The following SYTL2 variants were observed in gnomAD, a reference collection of about 807,000 sequenced individuals.
SYTL2 encodes synaptotagmin-like protein 2.
SYTL2 carries 165 observed loss-of-function variants against 198.7 expected under a neutral mutation model. The ratio of observed to expected loss-of-function variants is 0.83; its 90% CI spans 0.73 to 0.94. The LOEUF is 0.94. Among genes scored for constraint, SYTL2 ranks in the 40% least tolerant of loss-of-function variants. The pLI, the probability that SYTL2 is intolerant of heterozygous loss-of-function variation, is 0.00. For missense variants in SYTL2, 2,835 were observed against 2,582.8 expected (o/e 1.10, Z -2.12); for synonymous variants, 966 against 917.7 (o/e 1.05, Z -0.95).
chr11:85,700,656 G>A, intron 16 of SYTL2, 63 bp from the exon 17 acceptor site: 3 of 1,230,844 alleles, frequency 2.4e-6, no homozygotes, highest in Non-Finnish European at 3.6e-6. Flanking sequence ...GTTGGTATAG[G>A]TCTCATTACA....
At chr11:85,809,819 A>G (rs997266585) in intron 1 of SYTL2, among the ~76,000 whole-genome samples, 1 of 152,188 alleles carries the variant, frequency 6.6e-6, no homozygotes, top group Non-Finnish European at 1.5e-5. Context: ...GGGTTCTGCA[A>G]TCTGATTTCA....
In SYTL2 at chr11:85,726,568, T is replaced by G. The variant is rs1391995140; in HGVS notation, c.2790A>C (p.Ala930=). 3.8e-6 allele frequency: 6 copies of G among 1,588,874 alleles called. No homozygotes were observed. The highest frequency in any genetic ancestry group is 1.3e-5 in the African/African-American group (1 of 74,730). ...TCCCGACATTTGAGGGAGGTTGCAGTGCTGGTAAAGTAATGTTTCTTCTAG... is the reference window on the plus strand; with the variant it reads ...TCCCGACATTTGAGGGAGGTTGCAGGGCTGGTAAAGTAATGTTTCTTCTAG... ...LPSRRNITLP[A]LQPPSNVGSE... The change falls in exon 8 of 20, where the codon GCA becomes GCC. Residue 930 remains alanine (A), a synonymous_variant. Transcript: ENST00000359152.
At chr11:85,789,694 A>G (rs1338304721) in intron 1 of SYTL2, among the ~76,000 whole-genome samples, 2 of 152,072 alleles carry the variant, frequency 1.3e-5, no homozygotes, top group Non-Finnish European at 2.9e-5. Context: ...AGTGATGCAC[A>G]TAATATTATT....
chr11:85,789,338 GTGTATATATATATATA>G (rs1195332981), intron 1 of SYTL2, among the ~76,000 whole-genome samples: 323 of 27,062 alleles, frequency 0.012, 6 homozygotes, highest in African/African-American at 0.03. Flanking sequence ...GTGTGTGTGT[GTGTATATATATATATA>G]TATATATATA....
At chr11:85,824,998 T>C in the SYTL2 span, among the ~76,000 whole-genome samples, 3 of 152,224 alleles carry the variant, frequency 2.0e-5, no homozygotes, top group Non-Finnish European at 4.4e-5. Context: ...GTCTGGATCA[T>C]TAGTGCATTG....
chr11:85,803,517 TTA>T lies in SYTL2; in HGVS notation c.-390+7435_-390+7436del, dbSNP rs772953035. ...GAACCCAGTTGTTTTTCCTGGAAGA[TTA>T]TGTTAAGCCCATCATTACATCTCTA... On this transcript the variant is annotated intron_variant, in intron 1 of 19. Coordinates refer to ENST00000359152, the MANE Select transcript of SYTL2 (RefSeq NM_206927.4). Among the ~76,000 whole-genome samples the T allele has an allele frequency of 2.0e-3, 312 of 152,330 alleles. 1 individual carries two copies. Among genetic ancestry groups the T allele is most frequent in the Admixed American group, 5.4e-3 (82 of 15,300 alleles).
chr11:85,720,927 T>G lies in SYTL2; in HGVS notation c.5359A>C (p.Thr1787Pro). 1 of 1,613,614 alleles carries G rather than the reference T, an allele frequency of 6.2e-7. No individual in the cohort carries two copies. Among genetic ancestry groups the G allele is most frequent in the East Asian group, 2.2e-5 (1 of 44,848 alleles). ...TTCCTAGCGGCACTCCTTTCCAAAG[T>G]TTTCAAAACAGGACTGGGTTCTTCT... Reference protein sequence around the residue: ...SEEEPSPVLKTLERSAARKMP... With the variant: ...SEEEPSPVLKPLERSAARKMP... Residue 1787 changes from threonine to proline, a missense_variant, in exon 9 of 20, where the codon ACT (threonine) becomes CCT (proline). Physicochemically the swap from Thr to Pro is conservative, Grantham distance 38. This residue lies in a region of SYTL2 where 2,645 missense variants were observed against 2,381.7 expected (regional missense o/e 1.11). Transcript: ENST00000359152.
chr11:85,853,413 G>C, the SYTL2 span: 1 of 411,150 alleles, frequency 2.4e-6, no homozygotes, highest in Middle Eastern at 7.9e-4. Context: ...GGGTTAAATG[G>C]ATTAAGGGCG....
chr11:85,704,850 G>T lies in SYTL2; in HGVS notation c.6189+8C>A, dbSNP rs779308970. On this transcript the variant is annotated splice_region_variant and intron_variant, in intron 16 of 19. Transcript: ENST00000359152. ...ACCAAATAAACAAACAAAAAATTCC[G>T]GACTCACCTTCCGCTTCAGAGGGTA... 6.2e-7 allele frequency: 1 copy of T among 1,608,814 alleles called. No individual in the cohort carries two copies. The highest frequency in any genetic ancestry group is 8.5e-7 in the Non-Finnish European group (1 of 1,176,888).
Position 85,727,228 on chromosome 11 carries a change from T to C in SYTL2, c.2130A>G (p.Ser710=), listed in dbSNP as rs144944467. The change falls in exon 8 of 20, where the codon TCA becomes TCG. Residue 710 remains serine (S), a synonymous_variant. Coordinates refer to ENST00000359152, the MANE Select transcript of SYTL2 (RefSeq NM_206927.4). ...FHAHEENRGH[S]EVNFDSSTVV... Reference sequence around the variant, plus strand: ...CTGTTGAAGAGTCAAAATTCACTTCTGAGTGTCCTCTATTTTCTTCATGAG... The same window carrying C: ...CTGTTGAAGAGTCAAAATTCACTTCCGAGTGTCCTCTATTTTCTTCATGAG... 2.6e-3 allele frequency: 3,976 copies of C among 1,536,240 alleles called. 15 individuals carry two copies. The highest frequency in any genetic ancestry group is 3.1e-3 in the Non-Finnish European group (3,555 of 1,146,922).
At chr11:85,811,356 C>G, upstream of SYTL2, among the ~76,000 whole-genome samples, 1 of 152,070 alleles carries the variant, frequency 6.6e-6, no homozygotes, top group South Asian at 2.1e-4. Context: ...CTGCTTCTCT[C>G]CGGTTCCTAG....
the SYTL2 span, among the ~76,000 whole-genome samples, chr11:85,852,300 A>G: frequency 2.6e-5 from 4 of 152,234 alleles, no homozygotes; most frequent in African/African-American, 9.6e-5. Context: ...ATTGACTGAA[A>G]TGTAACTACC....
chr11:85,785,086 C>A (rs2092616294), intron 1 of SYTL2, among the ~76,000 whole-genome samples: 1 of 151,982 alleles, frequency 6.6e-6, no homozygotes, highest in Non-Finnish European at 1.5e-5. Context: ...AAATTTGAGC[C>A]AAGAGAAATG....
intron 1 of SYTL2, among the ~76,000 whole-genome samples, chr11:85,780,405 G>A (rs1196394988): frequency 6.6e-6 from 1 of 152,156 alleles, no homozygotes; most frequent in South Asian, 2.1e-4. Flanking sequence ...TTCAGAATGG[G>A]GGCTGGTCAC....
chr11:85,718,647 G>C (rs756694080), intron 10 of SYTL2, 143 bp downstream of exon 10: 33 of 683,454 alleles, frequency 4.8e-5, no homozygotes, highest in Non-Finnish European at 7.7e-5. Context: ...AATCAGAACT[G>C]TTTTATAGTA....
At chr11:85,808,292 C>T (rs895582651) in intron 1 of SYTL2, among the ~76,000 whole-genome samples, 1 of 152,110 alleles carries the variant, frequency 6.6e-6, no homozygotes, top group Non-Finnish European at 1.5e-5. Context: ...GTCTCGAACT[C>T]CTGACCTTGT....
intron 1 of SYTL2, among the ~76,000 whole-genome samples, chr11:85,775,578 G>A (rs1181509819): frequency 6.6e-6 from 1 of 152,126 alleles, no homozygotes; most frequent in Non-Finnish European, 1.5e-5. Flanking sequence ...CACCTCCTGG[G>A]TTCAAGTGAT....
intron 6 of SYTL2, among the ~76,000 whole-genome samples, chr11:85,735,936 G>C (rs1751806386): frequency 1.3e-5 from 2 of 152,102 alleles, no homozygotes; most frequent in East Asian, 3.8e-4. Context: ...ACTCTTTAAT[G>C]CTTGTGGAAT....
At chr11:85,722,952 TTATC>T (rs1307417739) in intron 8 of SYTL2, among the ~76,000 whole-genome samples, 1 of 152,182 alleles carries the variant, frequency 6.6e-6, no homozygotes, top group East Asian at 1.9e-4. Flanking sequence ...TCAGTAAAGC[TTATC>T]TATTTTCACT....
Sources: gnomAD v4.1 joint callset for allele counts (sites outside exome capture counted in the v4.1 genomes callset) on GRCh38, gnomAD v4.1.1 for gene constraint, gnomAD v4.1.1 regional missense constraint, MANE v1.5 for transcripts, NCBI Gene and HGNC (gene_info 2026-07-23, HGNC 2026-07-21) for gene names.